Variants in MAP3K14 observed in about 807,000 individuals in gnomAD.
The protein encoded by MAP3K14 is mitogen-activated protein kinase kinase kinase 14, also known as NF-kappa-beta-inducing kinase.
MAP3K14 carries 16 observed loss-of-function variants against 99.2 expected under a neutral mutation model. The observed-to-expected ratio is 0.16, with a 90% CI of 0.11 to 0.24. MAP3K14 has a LOEUF of 0.24. MAP3K14 is among the 10% of genes least tolerant of loss of function. MAP3K14 has a pLI of 1.00. For synonymous variants in MAP3K14, 462 were observed against 492.4 expected (o/e 0.94, Z 0.82); for missense variants, 784 against 1,208.7 (o/e 0.65, Z 5.21).
At chr17:45,284,683 G>T in intron 6 of MAP3K14, 129 bp downstream of exon 6, 1 of 1,245,142 alleles carries the variant, frequency 8.0e-7, no homozygotes, top group Non-Finnish European at 1.1e-6. Context: ...GGTGGCTAGT[G>T]ATAGCCAAGT....
intron 1 of MAP3K14, chr17:45,290,968 TC>T: frequency 1.8e-6 from 1 of 547,834 alleles, no homozygotes; most frequent in Non-Finnish European, 3.3e-6. Context: ...CACGGCACAG[TC>T]CCCCGGTCCT....
rs544361516 is a variant in MAP3K14 at position 45,296,311 on chromosome 17, G to A, written c.-20-5546C>T. Among the ~76,000 whole-genome samples the A allele has an allele frequency of 1.1e-4, 17 of 152,186 alleles. 1 individual carries two copies. Among genetic ancestry groups the A allele is most frequent in the Admixed American group, 1.1e-3 (17 of 15,278 alleles). ...AGGCCAAGGCAGGAGGATCACTTGA[G>A]ACCAGCAGTTTGACACCAGCCTGGA... On this transcript the variant is annotated intron_variant, in intron 1 of 15. Transcript: ENST00000344686.
chr17:45,284,419 G>C, intron 6 of MAP3K14, among the ~76,000 whole-genome samples: 1 of 152,236 alleles, frequency 6.6e-6, no homozygotes, highest in Admixed American at 6.5e-5. Flanking sequence ...CACAGGTGGA[G>C]GCTACTGCTT....
chr17:45,313,013 G>A (rs9892235), intron 1 of MAP3K14, among the ~76,000 whole-genome samples: 5,252 of 152,254 alleles, frequency 0.034, 322 homozygotes, highest in African/African-American at 0.12. Flanking sequence ...AGGCCTAGCT[G>A]TGTCTCCAGC....
intron 1 of MAP3K14, among the ~76,000 whole-genome samples, chr17:45,314,634 A>C (rs1409113824): frequency 6.6e-6 from 1 of 151,978 alleles, no homozygotes; most frequent in Non-Finnish European, 1.5e-5. Flanking sequence ...AAAAAAAAAC[A>C]ACCTTGAGAT....
intron 6 of MAP3K14, among the ~76,000 whole-genome samples, chr17:45,281,374 A>G (rs1294591204): frequency 1.8e-5 from 2 of 111,526 alleles, no homozygotes; most frequent in Middle Eastern, 6.1e-3. Flanking sequence ...GCAGAGTCTC[A>G]CTCTGGTGTT....
At chr17:45,269,546 A>G (rs1208844115) in intron 11 of MAP3K14, among the ~76,000 whole-genome samples, 1 of 152,178 alleles carries the variant, frequency 6.6e-6, no homozygotes, top group Non-Finnish European at 1.5e-5. Context: ...CATAGGCAGG[A>G]TTAGAGGGTT....
intron 6 of MAP3K14, chr17:45,282,251 G>A (rs1221941360): frequency 1.3e-5 from 2 of 152,042 alleles, no homozygotes; most frequent in Admixed American, 6.5e-5. Context: ...CTTTTTATGC[G>A]TGTATAAACA....
At chr17:45,265,377 G>A (rs368813174) in intron 14 of MAP3K14, 114 bp from the exon 15 acceptor site, 5 of 717,022 alleles carry the variant, frequency 7.0e-6, no homozygotes, top group South Asian at 1.5e-5. Flanking sequence ...CCCTATGTAG[G>A]GGGAGCAGGT....
At chr17:45,301,485 G>A (rs761216704) in intron 1 of MAP3K14, among the ~76,000 whole-genome samples, 3 of 151,830 alleles carry the variant, frequency 2.0e-5, no homozygotes, top group African/African-American at 4.8e-5. Context: ...AAAGTTCACA[G>A]TATTTCTATA....
At chr17:45,279,068 A>G (rs983282446) in intron 6 of MAP3K14, among the ~76,000 whole-genome samples, 3 of 152,126 alleles carry the variant, frequency 2.0e-5, no homozygotes, top group East Asian at 1.9e-4. Context: ...CTTCCCCTCA[A>G]TTGCCTGCAC....
At position 45,267,434 on chromosome 17, in the gene MAP3K14, C is replaced by A. The variant is rs17846846; in HGVS notation, c.2298G>T (p.Pro766=). 6.2e-7 allele frequency: 1 copy of A among 1,603,564 alleles called. No homozygotes were observed. Among genetic ancestry groups the A allele is most frequent in the Non-Finnish European group, 8.5e-7 (1 of 1,175,090 alleles). Residue 766 remains proline (P), a synonymous_variant, in exon 12 of 16, where the codon CCG becomes CCT. Coordinates refer to ENST00000344686, the MANE Select transcript of MAP3K14 (RefSeq NM_003954.5). The surrounding 1 kb of genome is among the most constrained non-coding windows in gnomAD (Gnocchi z 5.1). ...PSSPERKATV[P]EQELQQLEIE... ...TTTCCAGCTGCTGCAGTTCCTGCTCCGGGACGGTTGCTTTCCGCTCTGGTG... is the reference window on the plus strand; with the variant it reads ...TTTCCAGCTGCTGCAGTTCCTGCTCAGGGACGGTTGCTTTCCGCTCTGGTG...
chr17:45,300,414 G>T (rs1214304369), intron 1 of MAP3K14, among the ~76,000 whole-genome samples: 1 of 152,172 alleles, frequency 6.6e-6, no homozygotes, highest in Non-Finnish European at 1.5e-5. Flanking sequence ...CACTGCTTAT[G>T]GGCTCAGTCT....
At chr17:45,294,615 A>C (rs1331890042) in intron 1 of MAP3K14, among the ~76,000 whole-genome samples, 1 of 152,212 alleles carries the variant, frequency 6.6e-6, no homozygotes, top group Non-Finnish European at 1.5e-5. Flanking sequence ...AAAGCTCTCC[A>C]ATGCAGCAGT....
chr17:45,278,165 G>A (rs989808685), intron 6 of MAP3K14, among the ~76,000 whole-genome samples: 1 of 152,160 alleles, frequency 6.6e-6, no homozygotes, highest in African/African-American at 2.4e-5. Context: ...GGGGAAACTT[G>A]GCTTTAACTT....
At chr17:45,274,978 A>C (rs1416282181) in intron 6 of MAP3K14, among the ~76,000 whole-genome samples, 3 of 151,546 alleles carry the variant, frequency 2.0e-5, no homozygotes, top group Admixed American at 1.3e-4. Flanking sequence ...TCTACTAAAA[A>C]ATACAAAAAA....
At position 45,270,510 on chromosome 17, in the gene MAP3K14, G is replaced by C. The variant is rs1304201527; in HGVS notation, c.1875C>G (p.Leu625=). The C allele has an allele frequency of 1.9e-6, 3 of 1,601,196 alleles. No individual in the cohort carries two copies. In the East Asian group the frequency reaches 6.8e-5, roughly 36 times the overall value. Reference sequence around the variant, plus strand: ...GCCCCTCTTGGATGGCCTGGGCTGTGAGAGGGGCGCAGGAGGGTGGGATCT... The same window carrying C: ...GCCCCTCTTGGATGGCCTGGGCTGTCAGAGGGGCGCAGGAGGGTGGGATCT... ...VREIPPSCAP[L]TAQAIQEGLR... Residue 625 remains leucine, a synonymous_variant, in exon 11 of 16, where the codon CTC becomes CTG. Coordinates refer to ENST00000344686, the MANE Select transcript of MAP3K14 (RefSeq NM_003954.5).
chr17:45,285,007 G>A (rs1157397137), intron 5 of MAP3K14, 58 bp from the exon 6 acceptor site: 3 of 1,520,748 alleles, frequency 2.0e-6, no homozygotes, highest in Non-Finnish European at 2.7e-6. Context: ...GAGGGCTACA[G>A]GGCTACAGTG....
rs2044059981 is a variant in MAP3K14, at chr17:45,264,780, G to A, written c.2700C>T (p.Ser900=). Residue 900 remains serine (S), a synonymous_variant, in exon 16 of 16, where the codon AGC becomes AGT. Transcript: ENST00000344686. ...CAGGCTGCCCGTCTTTGGTGACCAA[G>A]CTGAAGGCTGCAGCTGGGATCTAAG... ...ISSQIPAAAF[S]LVTKDGQPVR... is the part of the protein sequence containing the mutation. The A allele has an allele frequency of 1.2e-6, 2 of 1,613,448 alleles. No individual in the cohort carries two copies.
Sources: allele counts gnomAD v4.1 joint callset (sites outside exome capture counted in the v4.1 genomes callset), GRCh38; gene constraint gnomAD v4.1.1; non-coding constraint Gnocchi (gnomAD v3.1); transcripts MANE v1.5; gene names NCBI Gene and HGNC (gene_info 2026-07-23, HGNC 2026-07-21).